NREP: variants seen among roughly 807,000 people sequenced by gnomAD.
NREP encodes neuronal regeneration-related protein.
NREP carries 5 observed loss-of-function variants against 8.6 expected under a neutral mutation model. The observed-to-expected ratio is 0.58, with a 90% confidence interval of 0.30 to 1.22. The LOEUF (loss-of-function observed/expected upper bound fraction) is 1.22, where lower values mean the gene tolerates loss of function less well. Ranked by LOEUF, NREP falls within the 50% of genes most tolerant of loss-of-function variation. The probability of loss-of-function intolerance (pLI) is 0.07; values close to 1 mark genes in which losing one functional copy is unlikely to be tolerated. For synonymous variants in NREP, 27 were observed against 28.0 expected (o/e 0.96, Z 0.11); for missense variants, 86 against 82.5 (o/e 1.04, Z -0.17).
At chr5:111,918,202 AAG>A (rs1402459513) in intron 2 of NREP, among the ~76,000 whole-genome samples, 1 of 152,174 alleles carries the variant, frequency 6.6e-6, no homozygotes, top group Non-Finnish European at 1.5e-5. Flanking sequence ...TCAAGGAAAT[AAG>A]AGAGGACACA....
intron 2 of NREP, among the ~76,000 whole-genome samples, chr5:111,971,578 T>G (rs1756819905): frequency 6.6e-6 from 1 of 152,176 alleles, no homozygotes; most frequent in African/African-American, 2.4e-5. Flanking sequence ...CATGCATTTA[T>G]GGTCAATTGA....
intron 2 of NREP, among the ~76,000 whole-genome samples, chr5:111,829,736 C>T (rs117529817): frequency 6.6e-6 from 1 of 152,296 alleles, no homozygotes; most frequent in East Asian, 1.9e-4. Flanking sequence ...TAATAGCCCA[C>T]TCACCCTGCT....
At position 111,750,398 on chromosome 5, in the gene NREP, C is replaced by T. The variant is rs368597540; in HGVS notation, c.3+5372G>A. 2.8e-4 allele frequency among the ~76,000 whole-genome samples: 42 copies of T among 152,270 alleles called. No individual in the cohort carries two copies. In the East Asian group the frequency reaches 5.0e-3, roughly 18 times the overall value. On this transcript the variant is annotated intron_variant, in intron 2 of 3. Coordinates refer to ENST00000257435, the MANE Select transcript of NREP (RefSeq NM_004772.4). The stretch of plus-strand genomic sequence containing the variant: ...CTTCTAGTTTCAAATTTTGTGCCAA[C>T]TCCAATCGTTAATGGCGCCCTGGAA...
intron 2 of NREP, among the ~76,000 whole-genome samples, chr5:111,854,721 T>A (rs766992969): frequency 2.6e-5 from 4 of 152,076 alleles, no homozygotes; most frequent in Non-Finnish European, 1.5e-5. Context: ...TGAAAATGAA[T>A]AATAAAACAT....
chr5:111,856,478 G>GT (rs1373349333), intron 2 of NREP, among the ~76,000 whole-genome samples: 1 of 152,116 alleles, frequency 6.6e-6, no homozygotes, highest in East Asian at 1.9e-4. Context: ...GGACTTTGGT[G>GT]TTCTGTATAA....
At chr5:111,774,362 T>C (rs1751310134) in intron 2 of NREP, among the ~76,000 whole-genome samples, 1 of 152,164 alleles carries the variant, frequency 6.6e-6, no homozygotes, top group Non-Finnish European at 1.5e-5. Flanking sequence ...ATTCTATCTC[T>C]ATAACCTCCA....
chr5:111,938,799 T>C (rs968877972), intron 2 of NREP, among the ~76,000 whole-genome samples: 1 of 152,110 alleles, frequency 6.6e-6, no homozygotes, highest in Non-Finnish European at 1.5e-5. Flanking sequence ...CTTAGTATAC[T>C]GCAGTCAGCA....
At chr5:111,935,779 A>C (rs936385448) in intron 2 of NREP, among the ~76,000 whole-genome samples, 1 of 152,112 alleles carries the variant, frequency 6.6e-6, no homozygotes, top group African/African-American at 2.4e-5. Context: ...CTATCATTTT[A>C]ATGGTATGCC....
intron 2 of NREP, among the ~76,000 whole-genome samples, chr5:111,872,118 A>T (rs141097911): frequency 6.6e-6 from 1 of 152,098 alleles, no homozygotes; most frequent in African/African-American, 2.4e-5. Context: ...AAATTTGCTC[A>T]GGTGATTATG....
At chr5:111,737,226 C>CAAA (rs1749207423) in intron 2 of NREP, among the ~76,000 whole-genome samples, 1 of 152,112 alleles carries the variant, frequency 6.6e-6, no homozygotes, top group Non-Finnish European at 1.5e-5. Context: ...GTGAAGAAAA[C>CAAA]AAAATAATCT....
At chr5:111,967,479 G>A (rs946085044) in intron 2 of NREP, among the ~76,000 whole-genome samples, 1 of 152,138 alleles carries the variant, frequency 6.6e-6, no homozygotes, top group Non-Finnish European at 1.5e-5. Context: ...GTCTACCACA[G>A]CAAAGCTAAA....
chr5:111,742,175 T>G (rs1209300000), intron 2 of NREP, among the ~76,000 whole-genome samples: 1 of 152,174 alleles, frequency 6.6e-6, no homozygotes, highest in Non-Finnish European at 1.5e-5. Flanking sequence ...ATTAATATTA[T>G]GCCACAGATG....
At chr5:111,758,992 G>A (rs945992382), upstream of NREP, among the ~76,000 whole-genome samples, 2 of 152,194 alleles carry the variant, frequency 1.3e-5, no homozygotes, top group Non-Finnish European at 1.5e-5. Context: ...AAAATAAGAT[G>A]ATTTGGCAGC....
intron 2 of NREP, among the ~76,000 whole-genome samples, chr5:111,944,503 T>C (rs548389414): frequency 3.3e-5 from 5 of 152,202 alleles, no homozygotes; most frequent in Admixed American, 6.5e-5. Context: ...AGATGACGTC[T>C]TGCCATGTTG....
At position 111,730,922 on chromosome 5, in the gene NREP, T is replaced by TA. The variant is rs1277506890; in HGVS notation, c.205dup (p.Ter69LeufsTer16). On this transcript the variant is annotated frameshift_variant and stop_lost, in exon 4 of 4. Coordinates refer to ENST00000257435, the MANE Select transcript of NREP (RefSeq NM_004772.4). LOFTEE classifies it high-confidence loss of function. The stretch of plus-strand genomic sequence containing the variant: ...GTAATACAAATGGAGGTGTTACGAT[T>TA]AAAAAAAGTGGAGGTAACTGATTCT... The TA allele has an allele frequency of 6.2e-7, 1 of 1,613,654 alleles. No individual in the cohort carries two copies.
intron 2 of NREP, among the ~76,000 whole-genome samples, chr5:111,941,015 T>C (rs1488038607): frequency 6.6e-6 from 1 of 152,096 alleles, no homozygotes; most frequent in Non-Finnish European, 1.5e-5. Context: ...AACACATTTC[T>C]TTTTTGGGGT....
intron 2 of NREP, among the ~76,000 whole-genome samples, chr5:111,792,293 A>G (rs1751767232): frequency 6.6e-6 from 1 of 152,090 alleles, no homozygotes; most frequent in African/African-American, 2.4e-5. Context: ...TTTATTTTCA[A>G]ATTTGTGTTG....
At chr5:111,961,477 C>G (rs1756479079) in intron 2 of NREP, among the ~76,000 whole-genome samples, 1 of 152,146 alleles carries the variant, frequency 6.6e-6, no homozygotes, top group Admixed American at 6.5e-5. Context: ...CGTTTTTCTC[C>G]CTGGCTTCCT....
chr5:111,819,174 C>T (rs1027057108), intron 2 of NREP, among the ~76,000 whole-genome samples: 1 of 152,186 alleles, frequency 6.6e-6, no homozygotes, highest in African/African-American at 2.4e-5. Context: ...TTCCTCTGGT[C>T]ACCTGCTTTG....
Sources: allele counts gnomAD v4.1 joint callset (sites outside exome capture counted in the v4.1 genomes callset), GRCh38; gene constraint gnomAD v4.1.1; transcripts MANE v1.5; gene names NCBI Gene and HGNC (gene_info 2026-07-23, HGNC 2026-07-21).